CCDC141: variants seen among roughly 807,000 people sequenced by gnomAD.
CCDC141 encodes the protein coiled-coil domain containing 141.
A neutral mutation model predicts 181.0 loss-of-function variants in CCDC141; 168 were observed. The ratio of observed to expected loss-of-function variants is 0.93; its 90% CI spans 0.82 to 1.05. The LOEUF is 1.05. CCDC141 is among the 50% of genes least tolerant of loss of function. The probability of loss-of-function intolerance (pLI) is 0.00; values close to 1 mark genes in which losing one functional copy is unlikely to be tolerated. For missense variants in CCDC141, 1,902 were observed against 1,788.5 expected, an observed-to-expected ratio of 1.06 and a Z score of -1.14; for synonymous variants, 666 against 642.3, an observed-to-expected ratio of 1.04 and a Z score of -0.56.
chr2:178,911,248 C>A (rs1314101061), intron 7 of CCDC141, among the ~76,000 whole-genome samples: 2 of 152,204 alleles, frequency 1.3e-5, no homozygotes, highest in Non-Finnish European at 2.9e-5. Flanking sequence ...AGACAAAATA[C>A]TGCCTAGCAA....
chr2:178,975,197 A>T, intron 3 of CCDC141, 32 bp from the exon 4 acceptor site: 1 of 1,155,770 alleles, frequency 8.7e-7, no homozygotes, highest in Non-Finnish European at 1.2e-6. Flanking sequence ...AAGACATTTG[A>T]CATTTGTATA....
At chr2:178,821,144 T>C in the CCDC141 span, among the ~76,000 whole-genome samples, 1 of 152,166 alleles carries the variant, frequency 6.6e-6, no homozygotes, top group African/African-American at 2.4e-5. Flanking sequence ...AAGCCACAAC[T>C]GCATGAAAGG....
At position 179,049,761 on chromosome 2, in the gene CCDC141, G is replaced by A. The variant is rs113152396; in HGVS notation, c.102+79C>T. 2.3e-5 allele frequency: 33 copies of A among 1,461,520 alleles called. No homozygotes were observed. The African/African-American group carries it at 2.7e-4, about 12-fold the overall frequency. The allele number at this position is 1,461,520 out of a possible 1,614,324, so 90.5% of individuals were successfully genotyped here. ...TTCTCTATGCTGTGTCCTGCCGATT[G>A]CATGGAATGTTCTTTAGGGTTTTCA... On this transcript the variant is annotated intron_variant, in intron 1 of 23. Coordinates refer to ENST00000443758, the MANE Select transcript of CCDC141 (RefSeq NM_173648.4).
At chr2:178,819,169 G>A in the CCDC141 span, among the ~76,000 whole-genome samples, 8 of 152,218 alleles carry the variant, frequency 5.3e-5, no homozygotes, top group African/African-American at 1.9e-4. Flanking sequence ...GCCATTGATT[G>A]CAAGTGTACT....
intron 8 of CCDC141, among the ~76,000 whole-genome samples, chr2:178,890,203 C>G (rs1687079724): frequency 6.6e-6 from 1 of 152,004 alleles, no homozygotes; most frequent in Admixed American, 6.6e-5. Flanking sequence ...GCAGAAAATG[C>G]CATTATTGAA....
intron 14 of CCDC141, 115 bp downstream of exon 14, chr2:178,871,312 T>G: frequency 8.0e-7 from 1 of 1,243,860 alleles, no homozygotes; most frequent in Non-Finnish European, 1.1e-6. Context: ...CAAGCAATAC[T>G]TTTGTTTAAA....
At chr2:178,855,253 T>C (rs1352392304) in intron 19 of CCDC141, 94 bp downstream of exon 19, 2 of 976,448 alleles carry the variant, frequency 2.0e-6, no homozygotes, top group Non-Finnish European at 3.1e-6. Context: ...ATGAATATAA[T>C]GAGAATAACA....
At chr2:178,961,762 C>T (rs1257279957) in intron 4 of CCDC141, among the ~76,000 whole-genome samples, 1 of 152,098 alleles carries the variant, frequency 6.6e-6, no homozygotes, top group East Asian at 1.9e-4. Flanking sequence ...GTAGAATGAG[C>T]GTGGGATTTT....
intron 21 of CCDC141, among the ~76,000 whole-genome samples, chr2:178,847,262 G>A (rs1684978319): frequency 6.6e-6 from 1 of 152,124 alleles, no homozygotes. Flanking sequence ...AGGTGCGGTG[G>A]CTCACACCTG....
intron 8 of CCDC141, among the ~76,000 whole-genome samples, chr2:178,891,323 C>T (rs1687138627): frequency 6.6e-6 from 1 of 152,110 alleles, no homozygotes; most frequent in Admixed American, 6.6e-5. Context: ...ATCCCCATTT[C>T]GCAGATAAGT....
At chr2:178,844,933 G>C (rs763069849) in intron 22 of CCDC141, among the ~76,000 whole-genome samples, 2 of 152,218 alleles carry the variant, frequency 1.3e-5, no homozygotes, top group Non-Finnish European at 2.9e-5. Context: ...GCTGTGAATA[G>C]AGAGTGAGCA....
chr2:178,961,259 T>C lies in CCDC141; in HGVS notation c.751A>G (p.Ile251Val). Reference protein sequence around the residue: ...QWQELSQVLQICQWDQQENQV... With the variant: ...QWQELSQVLQVCQWDQQENQV... ...TTTTCTTGTTGGTCCCACTGACATA[T>C]CTGCAGAACTTGACTCAATTCTTGC... is the stretch of plus-strand genomic sequence containing the variant. The change falls in exon 5 of 24, where the codon ATA becomes GTA. Residue 251 changes from isoleucine to valine, a missense_variant. By Grantham distance (29) the Ile-to-Val change is conservative. Coordinates refer to ENST00000443758, the MANE Select transcript of CCDC141 (RefSeq NM_173648.4). The C allele has an allele frequency of 6.4e-7, 1 of 1,550,430 alleles. No homozygotes were observed. Among genetic ancestry groups the C allele is most frequent in the South Asian group, 1.2e-5 (1 of 84,054 alleles).
At chr2:179,015,084 A>ATATATATAT (rs1553502717) in intron 2 of CCDC141, among the ~76,000 whole-genome samples, 1 of 41,600 alleles carries the variant, frequency 2.4e-5, no homozygotes, top group African/African-American at 7.4e-5. Context: ...ATATATATAT[A>ATATATATAT]TATATATATA....
chr2:178,946,798 C>T (rs1689750711), intron 5 of CCDC141, among the ~76,000 whole-genome samples: 1 of 152,190 alleles, frequency 6.6e-6, no homozygotes, highest in African/African-American at 2.4e-5. Flanking sequence ...CCAAAAGATA[C>T]TATTCCTGTA....
chr2:178,941,707 C>A (rs1390927392), intron 6 of CCDC141, among the ~76,000 whole-genome samples: 1 of 151,596 alleles, frequency 6.6e-6, no homozygotes, highest in African/African-American at 2.4e-5. Flanking sequence ...AATCCCAGCA[C>A]TTTAGAAGGC....
intron 2 of CCDC141, among the ~76,000 whole-genome samples, chr2:179,033,018 T>C (rs1340491716): frequency 6.8e-6 from 1 of 147,496 alleles, no homozygotes; most frequent in African/African-American, 2.5e-5. Context: ...TAATATATAA[T>C]ATTATATATA....
chr2:178,848,350 A>G (rs1420122214), intron 21 of CCDC141, among the ~76,000 whole-genome samples: 1 of 152,208 alleles, frequency 6.6e-6, no homozygotes, highest in Non-Finnish European at 1.5e-5. Context: ...TTGACTTGGT[A>G]AGGAAGAGTT....
chr2:179,041,477 C>T (rs1440407599), intron 2 of CCDC141, among the ~76,000 whole-genome samples: 5 of 112,978 alleles, frequency 4.4e-5, no homozygotes, highest in Admixed American at 9.4e-5. Context: ...ATTATTTAAT[C>T]GGGTTGGTTG....
Position 178,878,081 on chromosome 2 carries a change from C to G in CCDC141, c.1782G>C (p.Gln594His). ...AACAATGCTTGGCTTTAGCATCATC[C>G]TGCTCCTTCTGAGGGATTTCGGTTT... ...FYETEIPQKE[Q>H]DDAKAKHCSD... The change falls in exon 12 of 24, where the codon CAG becomes CAC. Residue 594 changes from glutamine (Q) to histidine (H), a missense_variant. Gln to His is a conservative substitution (Grantham distance 24). Transcript: ENST00000443758. 1 of 1,612,736 alleles carries G rather than the reference C, an allele frequency of 6.2e-7. No individual in the cohort carries two copies. The highest frequency in any genetic ancestry group is 1.1e-5 in the South Asian group (1 of 90,740).
Sources: gnomAD v4.1 joint callset for allele counts (sites outside exome capture counted in the v4.1 genomes callset) on GRCh38, gnomAD v4.1.1 for gene constraint, MANE v1.5 for transcripts, NCBI Gene and HGNC (gene_info 2026-07-23, HGNC 2026-07-21) for gene names.